Variants in AATF observed in about 807,000 individuals in gnomAD.
AATF encodes protein AATF.
AATF carries 48 observed loss-of-function variants against 63.7 expected under a neutral mutation model. The observed-to-expected ratio is 0.75, with a 90% CI of 0.60 to 0.96. The LOEUF is 0.96. Ranked by LOEUF, AATF falls within the 40% of genes least tolerant of loss-of-function variation. The probability of loss-of-function intolerance (pLI) is 0.00; values close to 1 mark genes in which losing one functional copy is unlikely to be tolerated. For missense variants in AATF, 639 were observed against 685.7 expected (o/e 0.93, Z 0.76); for synonymous variants, 258 against 247.7 (o/e 1.04, Z -0.39).
intron 11 of AATF, 140 bp from the exon 12 acceptor site, chr17:37,056,461 A>G: frequency 1.3e-6 from 1 of 755,228 alleles, no homozygotes; most frequent in Non-Finnish European, 2.2e-6. Flanking sequence ...TGTGAGTAAG[A>G]GCTGTGGGGT....
intron 10 of AATF, among the ~76,000 whole-genome samples, chr17:37,021,354 C>G (rs186906546): frequency 6.6e-6 from 1 of 152,186 alleles, no homozygotes; most frequent in South Asian, 2.1e-4. Context: ...TATGGCCAGG[C>G]GTGGTGGCTC....
In AATF at chr17:37,046,975, C is replaced by T. The variant is rs890493544; in HGVS notation, c.1620-9626C>T. 1.3e-5 allele frequency among the ~76,000 whole-genome samples: 2 copies of T among 152,100 alleles called. 1 individual carries two copies. The highest frequency in any genetic ancestry group is 3.8e-4 in the East Asian group (2 of 5,200). On this transcript the variant is annotated intron_variant, in intron 11 of 11. Transcript: ENST00000619387. ...TTCCTGAAGCCAGCAGTCACAAAACCGTAAACACAACACTGGCCAACTCTA... is the reference window on the plus strand; with the variant it reads ...TTCCTGAAGCCAGCAGTCACAAAACTGTAAACACAACACTGGCCAACTCTA...
Position 36,949,133 on chromosome 17 carries a change from G to A in AATF, c.8G>A (p.Gly3Glu). 1.3e-6 allele frequency: 2 copies of A among 1,578,636 alleles called. No homozygotes were observed. The highest frequency in any genetic ancestry group is 8.6e-7 in the Non-Finnish European group (1 of 1,163,652). The change falls in exon 1 of 12, where the codon GGG (glycine) becomes GAG (glutamate). Residue 3 changes from glycine to glutamate, a missense_variant. By Grantham distance (98) the Gly-to-Glu change is moderately conservative. Transcript: ENST00000619387. MA[G>E]PQPLALQLEQ... is the part of the protein sequence containing the mutation. The stretch of plus-strand genomic sequence containing the variant: ...GACCGGGAGCTGGTGACGATGGCGG[G>A]GCCGCAGCCCCTGGCGCTGCAACTG...
intron 8 of AATF, among the ~76,000 whole-genome samples, chr17:37,013,807 C>T (rs1176275116): frequency 6.6e-6 from 1 of 152,190 alleles, no homozygotes. Flanking sequence ...GCTAATAATG[C>T]CTGTTTTTAA....
At chr17:37,044,281 A>G (rs17139082) in intron 11 of AATF, among the ~76,000 whole-genome samples, 2,227 of 152,176 alleles carry the variant, frequency 0.015, 61 homozygotes, top group African/African-American at 0.051. Context: ...CTAATTATTC[A>G]TAGGTTAGGT....
intron 8 of AATF, among the ~76,000 whole-genome samples, chr17:37,010,555 G>T (rs1209606657): frequency 6.6e-6 from 1 of 152,182 alleles, no homozygotes; most frequent in Non-Finnish European, 1.5e-5. Context: ...TGTTCAGATG[G>T]AGTCTCTGCT....
chr17:36,950,386 G>A lies in AATF; in HGVS notation c.264G>A (p.Gln88=), dbSNP rs1398084831. The part of the protein sequence containing the change: ...RKAWNEDHWE[Q]TLPGSSDEEI... ...CATGGAATGAAGACCATTGGGAGCA[G>A]ACTCTGCCAGGATCGTCTGGTGAGT... Residue 88 remains glutamine, a synonymous_variant, in exon 2 of 12, where the codon CAG becomes CAA. Coordinates refer to ENST00000619387, the MANE Select transcript of AATF (RefSeq NM_012138.4). 6.2e-7 allele frequency: 1 copy of A among 1,614,140 alleles called. No homozygotes were observed. Among genetic ancestry groups the A allele is most frequent in the African/African-American group, 1.3e-5 (1 of 75,048 alleles).
intron 8 of AATF, among the ~76,000 whole-genome samples, chr17:36,991,481 T>C (rs1424618963): frequency 6.6e-6 from 1 of 152,194 alleles, no homozygotes; most frequent in Non-Finnish European, 1.5e-5. Context: ...GCTGGCATGC[T>C]GTTCTTTTTA....
In AATF at chr17:36,989,419, C is replaced by T. The variant is rs766997753; in HGVS notation, c.1314+8C>T. 1.9e-6 allele frequency: 3 copies of T among 1,604,074 alleles called. No homozygotes were observed. The South Asian group carries it at 3.3e-5, about 18-fold the overall frequency. On this transcript the variant is annotated splice_region_variant and intron_variant, in intron 7 of 11. Transcript: ENST00000619387. ...AGTTTGCCAGGGGAACCGGTAAGAA[C>T]TCTGTAATGCAGAGTGATTATGGGG...
chr17:36,971,289 A>G (rs1309205189), intron 4 of AATF, among the ~76,000 whole-genome samples: 1 of 152,244 alleles, frequency 6.6e-6, no homozygotes, highest in Non-Finnish European at 1.5e-5. Flanking sequence ...AAGACAATAT[A>G]TGATAGCAAA....
In AATF at chr17:37,031,622, T is replaced by C; in HGVS notation, c.1556T>C (p.Val519Ala). The C allele has an allele frequency of 1.2e-6, 2 of 1,614,156 alleles. No individual in the cohort carries two copies. The highest frequency in any genetic ancestry group is 8.5e-7 in the Non-Finnish European group (1 of 1,179,966). The change falls in exon 11 of 12, where the codon GTC (valine) becomes GCC (alanine). Residue 519 changes from valine (V) to alanine (A), a missense_variant. Transcript: ENST00000619387. ...CTTCCTGCTTTATTTAGGTTTCATG[T>C]CCTTAGCAAGCTACTGAGTTTCATG... ...ASKGRKLRFH[V>A]LSKLLSFMAP...
intron 4 of AATF, among the ~76,000 whole-genome samples, chr17:36,972,476 T>G (rs1004501334): frequency 6.6e-6 from 1 of 152,184 alleles, no homozygotes; most frequent in Non-Finnish European, 1.5e-5. Flanking sequence ...TCACCCAGCA[T>G]TTCCCTTTGT....
At chr17:37,013,569 C>T (rs1372487125) in intron 8 of AATF, among the ~76,000 whole-genome samples, 2 of 152,110 alleles carry the variant, frequency 1.3e-5, no homozygotes, top group Non-Finnish European at 2.9e-5. Context: ...CTCTTTTCAA[C>T]AGCCAGCTCC....
intron 4 of AATF, among the ~76,000 whole-genome samples, chr17:36,983,543 G>T (rs929254615): frequency 6.6e-6 from 1 of 151,950 alleles, no homozygotes; most frequent in African/African-American, 2.4e-5. Context: ...TAGAGACAGG[G>T]TTTCACCATG....
intron 8 of AATF, among the ~76,000 whole-genome samples, chr17:37,012,178 C>G (rs1476766372): frequency 6.6e-6 from 1 of 151,962 alleles, no homozygotes; most frequent in Non-Finnish European, 1.5e-5. Flanking sequence ...CTCAGCCACC[C>G]TAGTAGCTGG....
intron 4 of AATF, among the ~76,000 whole-genome samples, chr17:36,955,348 G>A (rs540967619): frequency 4.6e-5 from 7 of 152,140 alleles, no homozygotes; most frequent in Non-Finnish European, 8.8e-5. Context: ...TTTGTGTCCC[G>A]CCACACTTAA....
rs75418099 is a variant in AATF, at chr17:36,984,555, C to T, written c.833-2062C>T. Reference sequence around the variant, plus strand: ...TACTTTCAACACATAAATGGTGACTCTCAGTGTCTAGTTAGCCCCTTGAGT... The same window carrying T: ...TACTTTCAACACATAAATGGTGACTTTCAGTGTCTAGTTAGCCCCTTGAGT... On this transcript the variant is annotated intron_variant, in intron 4 of 11. Transcript: ENST00000619387. Among the ~76,000 whole-genome samples, 14 of 152,306 alleles carry T rather than the reference C, an allele frequency of 9.2e-5. No homozygotes were observed. In the East Asian group the frequency reaches 2.7e-3, roughly 29 times the overall value.
At chr17:37,023,114 C>T (rs890510537) in intron 10 of AATF, among the ~76,000 whole-genome samples, 4 of 152,146 alleles carry the variant, frequency 2.6e-5, no homozygotes, top group African/African-American at 9.7e-5. Context: ...TTTCAAATCA[C>T]AAGACTTGCG....
intron 4 of AATF, among the ~76,000 whole-genome samples, chr17:36,975,547 A>G (rs1024230767): frequency 1.3e-5 from 2 of 152,230 alleles, no homozygotes; most frequent in African/African-American, 4.8e-5. Flanking sequence ...ACCTGGCTAA[A>G]CTAAAATTAA....
Sources: allele counts gnomAD v4.1 joint callset (sites outside exome capture counted in the v4.1 genomes callset), GRCh38; gene constraint gnomAD v4.1.1; transcripts MANE v1.5; gene names NCBI Gene and HGNC (gene_info 2026-07-23, HGNC 2026-07-21).